Variants in UBAC1 observed in about 807,000 individuals in gnomAD.
UBAC1 encodes ubiquitin-associated domain-containing protein 1.
Under a neutral mutation model 45.9 loss-of-function variants are expected in UBAC1, and 27 were observed. The ratio of observed to expected loss-of-function variants is 0.59; its 90% confidence interval spans 0.43 to 0.81. The LOEUF (loss-of-function observed/expected upper bound fraction) is 0.81. UBAC1 is among the 30% of genes least tolerant of loss of function. The pLI is 0.00. For missense variants in UBAC1, 529 were observed against 539.2 expected (o/e 0.98, Z 0.19); for synonymous variants, 227 against 215.5 (o/e 1.05, Z -0.47).
chr9:135,935,611 G>A (rs1231329677), intron 9 of UBAC1, among the ~76,000 whole-genome samples: 9 of 152,134 alleles, frequency 5.9e-5, no homozygotes, highest in African/African-American at 1.9e-4. Flanking sequence ...CAGCCTGGGT[G>A]ACAGATCAAG....
At chr9:135,937,109 G>A (rs191819752) in intron 9 of UBAC1, among the ~76,000 whole-genome samples, 2 of 152,286 alleles carry the variant, frequency 1.3e-5, no homozygotes, top group East Asian at 1.9e-4. Flanking sequence ...CGCAGCTCCA[G>A]AGACACTTCC....
intron 9 of UBAC1, among the ~76,000 whole-genome samples, chr9:135,937,353 A>G (rs751525391): frequency 6.7e-6 from 1 of 149,260 alleles, no homozygotes; most frequent in Non-Finnish European, 1.5e-5. Context: ...AGGCAGGAGA[A>G]TTGCTTGAAC....
chr9:135,950,897 A>G (rs1839399205), intron 3 of UBAC1, among the ~76,000 whole-genome samples: 1 of 152,228 alleles, frequency 6.6e-6, no homozygotes, highest in Non-Finnish European at 1.5e-5. Flanking sequence ...GTTCAAGACC[A>G]GCCTGGGCAA....
intron 3 of UBAC1, among the ~76,000 whole-genome samples, chr9:135,950,669 G>A (rs1473341459): frequency 6.6e-6 from 1 of 152,140 alleles, no homozygotes; most frequent in African/African-American, 2.4e-5. Flanking sequence ...AACCCTCAAG[G>A]GAGGAGAGAG....
chr9:135,945,384 A>C, intron 6 of UBAC1, 134 bp from the exon 7 acceptor site: 1 of 727,972 alleles, frequency 1.4e-6, no homozygotes, highest in Non-Finnish European at 2.1e-6. Context: ...TATAACAAGA[A>C]CCTGAATGAA....
chr9:135,951,886 G>T (rs1232632383), intron 3 of UBAC1, among the ~76,000 whole-genome samples: 1 of 152,180 alleles, frequency 6.6e-6, no homozygotes, highest in Non-Finnish European at 1.5e-5. Flanking sequence ...CAATGTTTCA[G>T]TTTGCAAATA....
intron 3 of UBAC1, among the ~76,000 whole-genome samples, chr9:135,950,004 G>A (rs2131090533): frequency 6.6e-6 from 1 of 152,364 alleles, no homozygotes; most frequent in African/African-American, 2.4e-5. Flanking sequence ...GGCCCTGAGA[G>A]CAGCCCCCAG....
In UBAC1 at chr9:135,947,875, C is replaced by G; in HGVS notation, c.364G>C (p.Glu122Gln). The G allele has an allele frequency of 6.2e-7, 1 of 1,614,164 alleles. No individual in the cohort carries two copies. The highest frequency in any genetic ancestry group is 8.5e-7 in the Non-Finnish European group (1 of 1,179,998). The change falls in exon 4 of 10, where the codon GAG (glutamate) becomes CAG (glutamine). Residue 122 changes from glutamate (E) to glutamine (Q), a missense_variant. Physicochemically the swap from Glu to Gln is conservative, Grantham distance 29 (BLOSUM62 2). Coordinates refer to ENST00000371756, the MANE Select transcript of UBAC1 (RefSeq NM_016172.3). ...TTGGCGGTGGCCCGCAGTATGGCCT[C>G]TTTATCTGGAGCTTTCTGGTCTTGT... ...KKQDQKAPDK[E>Q]AILRATANLP...
At chr9:135,957,232 T>C (rs1048927732) in intron 1 of UBAC1, among the ~76,000 whole-genome samples, 4 of 151,906 alleles carry the variant, frequency 2.6e-5, no homozygotes, top group Admixed American at 2.0e-4. Context: ...TGAGGGGATG[T>C]TGGGGGGACG....
chr9:135,946,320 T>G lies in UBAC1; in HGVS notation c.493A>C (p.Lys165Gln). ...ILVSLIEVAQKLLALNPDAVE... is the reference protein window; with the variant it reads ...ILVSLIEVAQQLLALNPDAVE... The stretch of plus-strand genomic sequence containing the variant: ...GCATCTGGGTTCAGCGCTAACAGCT[T>G]CTGCGCCACCTCGATGAGAGACACC... The change falls in exon 5 of 10, where the codon AAG becomes CAG. Residue 165 changes from lysine to glutamine, a missense_variant. Transcript: ENST00000371756. The G allele has an allele frequency of 6.2e-7, 1 of 1,614,174 alleles. No homozygotes were observed.
chr9:135,957,567 A>G (rs1839482362), intron 1 of UBAC1, among the ~76,000 whole-genome samples: 1 of 151,820 alleles, frequency 6.6e-6, no homozygotes, highest in African/African-American at 2.4e-5. Flanking sequence ...AAAAGCCCCA[A>G]CCAAGGCCGC....
chr9:135,958,154 C>G (rs527348170), intron 1 of UBAC1, among the ~76,000 whole-genome samples: 1 of 151,372 alleles, frequency 6.6e-6, no homozygotes, highest in South Asian at 2.1e-4. Context: ...TCACACCATT[C>G]TCCTGTCTCA....
chr9:135,954,131 T>G (rs1310448113), intron 2 of UBAC1, among the ~76,000 whole-genome samples: 1 of 135,188 alleles, frequency 7.4e-6, no homozygotes. Context: ...AGAGCAAGAC[T>G]TCATCTTAAA....
chr9:135,960,209 G>C (rs1039154884), intron 1 of UBAC1, among the ~76,000 whole-genome samples: 1 of 152,200 alleles, frequency 6.6e-6, no homozygotes, highest in Non-Finnish European at 1.5e-5. Context: ...CAGGAGGTCA[G>C]TCTGACACAC....
chr9:135,954,467 C>T (rs1427707953), intron 2 of UBAC1, among the ~76,000 whole-genome samples: 2 of 151,598 alleles, frequency 1.3e-5, no homozygotes, highest in Non-Finnish European at 2.9e-5. Flanking sequence ...TTCCTTTGGT[C>T]CCCCCAAACC....
chr9:135,933,502 C>T lies in UBAC1; in HGVS notation c.1116G>A (p.Met372Ile). The T allele has an allele frequency of 3.7e-6, 6 of 1,613,970 alleles. No homozygotes were observed. The highest frequency in any genetic ancestry group is 5.1e-6 in the Non-Finnish European group (6 of 1,179,936). The change falls in exon 10 of 10, where the codon ATG becomes ATA. Residue 372 changes from methionine to isoleucine, a missense_variant. Transcript: ENST00000371756. ...GGGTGCTGTTCAGTGGGTTCTCCAGCATGTCTTCAAATGCTGCAGGGAAAA... is the reference window on the plus strand; with the variant it reads ...GGGTGCTGTTCAGTGGGTTCTCCAGTATGTCTTCAAATGCTGCAGGGAAAA... ...NPKTLLAFED[M>I]LENPLNSTQW...
chr9:135,960,992 G>C lies in UBAC1; in HGVS notation c.138+33C>G, dbSNP rs924039435. 6 of 1,493,726 alleles carry C rather than the reference G, an allele frequency of 4.0e-6. No homozygotes were observed. In the South Asian group the frequency reaches 4.9e-5, roughly 12 times the overall value. 92.5% of individuals were successfully genotyped at this position (1,493,726 alleles called of 1,614,324 possible). A position where few individuals can be genotyped will look rare whatever the true frequency, so the allele number is the denominator to read the frequency against. On this transcript the variant is annotated intron_variant, in intron 1 of 9. Coordinates refer to ENST00000371756, the MANE Select transcript of UBAC1 (RefSeq NM_016172.3). ...CCGCAGTCGGAGGGGTCCGGAGCGG[G>C]TGTTGGGGGCAGGGGAGGGGGCCCG...
At chr9:135,953,801 T>C (rs778677616) in intron 2 of UBAC1, 48 bp from the exon 3 acceptor site, 2 of 1,562,460 alleles carry the variant, frequency 1.3e-6, no homozygotes, top group Non-Finnish European at 1.8e-6. Context: ...TCACTTCATA[T>C]CCACAAAATG....
rs528238931 is a variant in UBAC1 at position 135,938,338 on chromosome 9, C to T, written c.986G>A (p.Arg329Gln). The T allele has an allele frequency of 8.1e-6, 13 of 1,613,776 alleles. No homozygotes were observed. The highest frequency in any genetic ancestry group is 1.7e-5 in the Admixed American group (1 of 59,996). ...GTCCAGCTCCTCCGGAGAGGGCTTC[C>T]GGTCCCCCAGCAGCCACTCGCACTG... Reference protein sequence around the residue: ...NAACEWLLGDRKPSPEELDKG... With the variant: ...NAACEWLLGDQKPSPEELDKG... The change falls in exon 9 of 10, where the codon CGG becomes CAG. Residue 329 changes from arginine (R) to glutamine (Q), a missense_variant. Physicochemically the swap from Arg to Gln is conservative, Grantham distance 43. Transcript: ENST00000371756.
Sources: gnomAD v4.1 joint callset for allele counts (sites outside exome capture counted in the v4.1 genomes callset) on GRCh38, gnomAD v4.1.1 for gene constraint, MANE v1.5 for transcripts, NCBI Gene and HGNC (gene_info 2026-07-23, HGNC 2026-07-21) for gene names.